KIF3A: variants seen among roughly 807,000 people sequenced by gnomAD.
KIF3A encodes the protein kinesin family member 3A.
In KIF3A, 27 loss-of-function variants were observed where a neutral mutation model predicts 92.6. The observed-to-expected ratio is 0.29, with a 90% confidence interval of 0.21 to 0.40. The LOEUF (loss-of-function observed/expected upper bound fraction) is 0.40, where lower values mean the gene tolerates loss of function less well. Among genes scored for constraint, KIF3A ranks in the 10% least tolerant of loss-of-function variants. The pLI, the probability that KIF3A is intolerant of heterozygous loss-of-function variation, is 1.00. For missense variants in KIF3A, 581 were observed against 872.6 expected, an observed-to-expected ratio of 0.67 and a Z score of 4.21; for synonymous variants, 250 against 275.4, an observed-to-expected ratio of 0.91 and a Z score of 0.92.
chr5:132,703,115 T>C (rs1434756858), intron 12 of KIF3A, 50 bp from the exon 13 acceptor site: 3 of 1,458,104 alleles, frequency 2.1e-6, no homozygotes, highest in African/African-American at 1.4e-5. Flanking sequence ...TCTATTATTC[T>C]ACTAATATCA....
chr5:132,722,259 A>G (rs1181972481), intron 4 of KIF3A, among the ~76,000 whole-genome samples: 1 of 152,246 alleles, frequency 6.6e-6, no homozygotes, highest in Non-Finnish European at 1.5e-5. Flanking sequence ...ATGAAAGATG[A>G]AGAAAGAAAA....
At chr5:132,699,062 G>T in intron 18 of KIF3A, 109 bp downstream of exon 18, 1 of 1,136,540 alleles carries the variant, frequency 8.8e-7, no homozygotes, top group Non-Finnish European at 1.3e-6. Flanking sequence ...TAATAAATCA[G>T]CCAAAATATG....
At chr5:132,702,817 T>C (rs1753086526) in intron 13 of KIF3A, 68 bp downstream of exon 13, 2 of 1,476,366 alleles carry the variant, frequency 1.4e-6, no homozygotes, top group Non-Finnish European at 1.9e-6. Flanking sequence ...TATAGATATT[T>C]AGCTTTCCAC....
rs755098076 is a variant in KIF3A, at chr5:132,726,510, G to A, written c.281-12C>T. 31 of 1,610,442 alleles carry A rather than the reference G, an allele frequency of 1.9e-5. No individual in the cohort carries two copies. Among genetic ancestry groups the A allele is most frequent in the Middle Eastern group, 1.7e-4 (1 of 6,050 alleles). ...TGCAAAAATAGTCCCTGAAAATGAT[G>A]AAGAGAATCAGTTACTTCTTAAAGT... On this transcript the variant is annotated splice_polypyrimidine_tract_variant and intron_variant, in intron 2 of 18. Coordinates refer to ENST00000403231, the MANE Select transcript of KIF3A (RefSeq NM_001300791.2).
chr5:132,715,849 T>C lies in KIF3A; in HGVS notation c.1037A>G (p.Lys346Arg). Reference sequence around the variant, plus strand: ...ATCTTCATTAATTCTAGCTTTATTTTTAATATTCTTAGCACGATTGGCATA... The same window carrying C: ...ATCTTCATTAATTCTAGCTTTATTTCTAATATTCTTAGCACGATTGGCATA... ...LRYANRAKNI[K>R]NKARINEDPK... is the part of the protein sequence containing the mutation. The change falls in exon 8 of 19, where the codon AAA becomes AGA. Residue 346 changes from lysine (K) to arginine (R), a missense_variant. Physicochemically the swap from Lys to Arg is conservative, Grantham distance 26 (BLOSUM62 2). Around this residue, in one of 5 missense-constraint regions of KIF3A, gnomAD observed 167 missense variants for 205.8 expected, o/e 0.81. Transcript: ENST00000403231. 6.2e-7 allele frequency: 1 copy of C among 1,610,486 alleles called. No individual in the cohort carries two copies. The highest frequency in any genetic ancestry group is 8.5e-7 in the Non-Finnish European group (1 of 1,177,212).
chr5:132,713,854 C>A (rs1244471893), intron 8 of KIF3A, among the ~76,000 whole-genome samples: 2 of 150,906 alleles, frequency 1.3e-5, no homozygotes, highest in African/African-American at 4.9e-5. Flanking sequence ...ATGAAATAAG[C>A]CAGTCACAAA....
chr5:132,737,528 C>G lies in KIF3A; in HGVS notation c.-109G>C, dbSNP rs944055631. On this transcript the variant is annotated 5_prime_UTR_variant, in exon 1 of 19. Transcript: ENST00000403231. ...ACTACCGAAACACCTCGTTGACGCT[C>G]TCGAGACTGCGGCTTCTCGGGCGAG... The G allele has an allele frequency of 7.7e-7, 1 of 1,297,876 alleles. No individual in the cohort carries two copies. Among genetic ancestry groups the G allele is most frequent in the Non-Finnish European group, 1.1e-6 (1 of 945,924 alleles). 80.4% of individuals were successfully genotyped at this position (1,297,876 alleles called of 1,614,324 possible). A position where few individuals can be genotyped will look rare whatever the true frequency, so the allele number is the denominator to read the frequency against.
chr5:132,724,792 T>TTAAAAA (rs1230636403), intron 4 of KIF3A, among the ~76,000 whole-genome samples: 1 of 64,358 alleles, frequency 1.6e-5, no homozygotes, highest in Non-Finnish European at 2.4e-5. Flanking sequence ...TAAAGTATAA[T>TTAAAAA]AAAAAAAAAA....
At chr5:132,705,270 C>T (rs1242696802) in intron 11 of KIF3A, among the ~76,000 whole-genome samples, 1 of 151,814 alleles carries the variant, frequency 6.6e-6, no homozygotes, top group Non-Finnish European at 1.5e-5. Context: ...AGTAAGTATA[C>T]GCATTTAAAA....
chr5:132,690,496 TAGAAA>T (rs1019155013), downstream of KIF3A, among the ~76,000 whole-genome samples: 17 of 152,210 alleles, frequency 1.1e-4, 1 homozygote, highest in South Asian at 4.2e-4. Context: ...TTCAAATAGC[TAGAAA>T]AGAAAATACT....
chr5:132,706,063 AT>A (rs949298371), intron 11 of KIF3A, among the ~76,000 whole-genome samples: 11 of 152,212 alleles, frequency 7.2e-5, no homozygotes, highest in African/African-American at 2.6e-4. Flanking sequence ...TCTAACCAAT[AT>A]TGTGAACGTT....
intron 4 of KIF3A, chr5:132,721,272 A>C (rs941134007): frequency 2.0e-5 from 3 of 152,238 alleles, no homozygotes; most frequent in Admixed American, 6.5e-5. Flanking sequence ...AAATAATCAG[A>C]TCTATAGTAT....
chr5:132,726,622 A>G (rs1328299663), intron 2 of KIF3A, 124 bp from the exon 3 acceptor site: 3 of 817,036 alleles, frequency 3.7e-6, no homozygotes, highest in Non-Finnish European at 5.9e-6. Context: ...TTATTCTAGC[A>G]CAAGTTTCAC....
chr5:132,710,186 G>A (rs777179991), intron 9 of KIF3A, among the ~76,000 whole-genome samples: 3 of 152,012 alleles, frequency 2.0e-5, no homozygotes, highest in Non-Finnish European at 4.4e-5. Context: ...GTGAGAATGA[G>A]AATACATTTT....
At chr5:132,713,202 A>C (rs896493570) in intron 8 of KIF3A, among the ~76,000 whole-genome samples, 3 of 152,124 alleles carry the variant, frequency 2.0e-5, no homozygotes, top group African/African-American at 7.2e-5. Context: ...CAAAACAAAG[A>C]AAGCATGACA....
chr5:132,708,801 G>A, intron 10 of KIF3A, 106 bp downstream of exon 10: 1 of 676,110 alleles, frequency 1.5e-6, no homozygotes, highest in African/African-American at 1.8e-5. Flanking sequence ...AATCCAACAT[G>A]TATTCTTTAG....
intron 5 of KIF3A, among the ~76,000 whole-genome samples, chr5:132,719,019 T>C (rs1753736209): frequency 6.6e-6 from 1 of 151,918 alleles, no homozygotes; most frequent in African/African-American, 2.4e-5. Context: ...GTTATTTAGA[T>C]TGTTACATCT....
chr5:132,702,302 C>T (rs1019615554), intron 14 of KIF3A, 90 bp from the exon 15 acceptor site: 3 of 1,224,324 alleles, frequency 2.5e-6, no homozygotes, highest in Non-Finnish European at 1.2e-6. Flanking sequence ...TCTAAGAAAC[C>T]TTGTGAGAGC....
chr5:132,725,302 T>C (rs1039222351), intron 4 of KIF3A, among the ~76,000 whole-genome samples: 1 of 152,110 alleles, frequency 6.6e-6, no homozygotes, highest in Non-Finnish European at 1.5e-5. Context: ...AACACTGTAA[T>C]ACACTGCTCC....
Sources: gnomAD v4.1 joint callset for allele counts (sites outside exome capture counted in the v4.1 genomes callset) on GRCh38, gnomAD v4.1.1 for gene constraint, gnomAD v4.1.1 regional missense constraint, MANE v1.5 for transcripts, NCBI Gene and HGNC (gene_info 2026-07-23, HGNC 2026-07-21) for gene names.